Variants in MAGI3 observed in about 807,000 individuals in gnomAD.
MAGI3 encodes membrane-associated guanylate kinase, WW and PDZ domain-containing protein 3.
Under a neutral mutation model 121.8 loss-of-function variants are expected in MAGI3, and 43 were observed. That is an observed-to-expected ratio of 0.35 (90% CI 0.28 to 0.46). The LOEUF (loss-of-function observed/expected upper bound fraction) is 0.46, where lower values mean the gene tolerates loss of function less well. Ranked by LOEUF, MAGI3 falls within the 20% of genes least tolerant of loss-of-function variation. The pLI is 1.00. For missense variants in MAGI3, 1,547 were observed against 1,797.3 expected (o/e 0.86, Z 2.52); for synonymous variants, 553 against 639.3 (o/e 0.86, Z 2.04).
At chr1:113,586,319 A>G (rs962203987) in intron 4 of MAGI3, among the ~76,000 whole-genome samples, 1 of 152,204 alleles carries the variant, frequency 6.6e-6, no homozygotes, top group Non-Finnish European at 1.5e-5. Context: ...GTACTGTTCT[A>G]TCCCTTCCAT....
chr1:113,412,719 TTTTG>T (rs1323605513), intron 1 of MAGI3, among the ~76,000 whole-genome samples: 4 of 145,582 alleles, frequency 2.7e-5, no homozygotes, highest in Non-Finnish European at 6.1e-5. Context: ...TTGGTGGGGT[TTTTG>T]TTTGTTTTTT....
intron 1 of MAGI3, among the ~76,000 whole-genome samples, chr1:113,530,498 C>T (rs1419758045): frequency 6.6e-6 from 1 of 151,862 alleles, no homozygotes; most frequent in Non-Finnish European, 1.5e-5. Context: ...CTGTTGGGCA[C>T]TATGCTTATT....
At chr1:113,544,407 T>C (rs1659435799) in intron 1 of MAGI3, among the ~76,000 whole-genome samples, 1 of 152,216 alleles carries the variant, frequency 6.6e-6, no homozygotes, top group South Asian at 2.1e-4. Flanking sequence ...AACTGAAACA[T>C]GGTTATGCCC....
At chr1:113,606,105 A>G (rs1200698759) in intron 6 of MAGI3, among the ~76,000 whole-genome samples, 3 of 151,988 alleles carry the variant, frequency 2.0e-5, no homozygotes, top group Non-Finnish European at 4.4e-5. Flanking sequence ...AGCTAGGACT[A>G]CAGGCTCATG....
At chr1:113,563,658 C>A (rs1660327976) in intron 2 of MAGI3, among the ~76,000 whole-genome samples, 2 of 152,268 alleles carry the variant, frequency 1.3e-5, no homozygotes, top group South Asian at 4.1e-4. Context: ...TGTGACATCC[C>A]ATTTGGTCCC....
At chr1:113,481,371 C>A (rs575990477) in intron 1 of MAGI3, among the ~76,000 whole-genome samples, 5 of 152,162 alleles carry the variant, frequency 3.3e-5, no homozygotes, top group Non-Finnish European at 7.4e-5. Flanking sequence ...AGGTTTTATT[C>A]TAAAATAATG....
At chr1:113,603,102 CGAAATGAAAATGAAAATGAAATG>C (rs146639697) in intron 6 of MAGI3, among the ~76,000 whole-genome samples, 2,558 of 151,320 alleles carry the variant, frequency 0.017, 83 homozygotes, top group African/African-American at 0.058. Flanking sequence ...AAGCCCAATT[CGAAATGAAAATGAAAATGAAATG>C]GAAATGAAAA....
intron 14 of MAGI3, among the ~76,000 whole-genome samples, chr1:113,653,602 T>C (rs890144208): frequency 6.6e-6 from 1 of 151,706 alleles, no homozygotes; most frequent in Admixed American, 6.6e-5. Flanking sequence ...TAACATGAGA[T>C]TGTATGTATT....
At chr1:113,560,342 C>T (rs1660172913) in intron 2 of MAGI3, among the ~76,000 whole-genome samples, 2 of 151,834 alleles carry the variant, frequency 1.3e-5, no homozygotes, top group African/African-American at 4.8e-5. Context: ...TGCCACTGCA[C>T]TCCTGCCTGA....
chr1:113,424,095 G>A (rs925948337), intron 1 of MAGI3, among the ~76,000 whole-genome samples: 4 of 152,070 alleles, frequency 2.6e-5, no homozygotes, highest in Admixed American at 1.3e-4. Context: ...TAGGGAGTGC[G>A]GGCTCCCACT....
At chr1:113,474,766 A>G (rs991218985) in intron 1 of MAGI3, among the ~76,000 whole-genome samples, 1 of 152,146 alleles carries the variant, frequency 6.6e-6, no homozygotes, top group Admixed American at 6.5e-5. Context: ...GTTTTTTCCA[A>G]TTCTGTGAAG....
chr1:113,460,095 G>A (rs540868437), intron 1 of MAGI3, among the ~76,000 whole-genome samples: 21 of 152,226 alleles, frequency 1.4e-4, no homozygotes, highest in African/African-American at 4.6e-4. Flanking sequence ...CTTCATCCCT[G>A]GGATGCAAGA....
chr1:113,595,672 A>T (rs1648954132), intron 6 of MAGI3, among the ~76,000 whole-genome samples: 1 of 152,230 alleles, frequency 6.6e-6, no homozygotes, highest in South Asian at 2.1e-4. Flanking sequence ...AGCTTGAAAC[A>T]AATCTTCTGA....
intron 1 of MAGI3, among the ~76,000 whole-genome samples, chr1:113,478,086 T>G (rs540824367): frequency 1.4e-4 from 21 of 152,308 alleles, no homozygotes; most frequent in Non-Finnish European, 1.5e-4. Context: ...ATCAGGTCAT[T>G]TAAGGTCTTC....
chr1:113,577,831 A>G (rs538276148), intron 2 of MAGI3, among the ~76,000 whole-genome samples: 50 of 152,130 alleles, frequency 3.3e-4, no homozygotes, highest in African/African-American at 1.1e-3. Flanking sequence ...ACAGACCAAA[A>G]CAGAGTTCCT....
Position 113,578,541 on chromosome 1 carries a change from C to A in MAGI3, c.434-2001C>A, listed in dbSNP as rs537394832. Among the ~76,000 whole-genome samples the A allele has an allele frequency of 2.6e-5, 4 of 152,190 alleles. No homozygotes were observed. The South Asian group carries it at 8.3e-4, about 32-fold the overall frequency. ...TCTCAAATTATCTTCCCACCTCAGC[C>A]TCACGAGTGGCTAGGACTACTGGTG... On this transcript the variant is annotated intron_variant, in intron 2 of 20. Transcript: ENST00000307546.
Position 113,683,327 on chromosome 1 carries a change from T to C in MAGI3, c.3759T>C (p.Asp1253=), listed in dbSNP as rs1648334289. The C allele has an allele frequency of 6.2e-7, 1 of 1,613,636 alleles. No individual in the cohort carries two copies. Among genetic ancestry groups the C allele is most frequent in the African/African-American group, 1.3e-5 (1 of 74,908 alleles). ...ATAACCCCAAAAGAAGACCCAGAGA[T>C]CAATCCCTCAGCCCCAGCAAAGGGG... ...LKNNPKRRPR[D]QSLSPSKGEN... is the part of the protein sequence containing the mutation. Residue 1253 remains aspartate, a synonymous_variant, in exon 21 of 21, where the codon GAT becomes GAC. Coordinates refer to ENST00000307546, the MANE Select transcript of MAGI3 (RefSeq NM_001142782.2).
chr1:113,416,133 ATATTAATTATGTAATTAATGACACATAT>A (rs1394752540), intron 1 of MAGI3, among the ~76,000 whole-genome samples: 1 of 142,234 alleles, frequency 7.0e-6, no homozygotes, highest in East Asian at 2.0e-4. Context: ...TTAATGACAC[ATATTAATTATGTAATTAATGACACATAT>A]TATTATGTAA....
intron 19 of MAGI3, among the ~76,000 whole-genome samples, chr1:113,675,793 T>C (rs1481436630): frequency 6.6e-6 from 1 of 152,202 alleles, no homozygotes; most frequent in Non-Finnish European, 1.5e-5. Context: ...CGTCAAGAAC[T>C]GCTGAATCTA....
Sources: gnomAD v4.1 joint callset for allele counts (sites outside exome capture counted in the v4.1 genomes callset) on GRCh38, gnomAD v4.1.1 for gene constraint, MANE v1.5 for transcripts, NCBI Gene and HGNC (gene_info 2026-07-23, HGNC 2026-07-21) for gene names.